IL12RB1: variants seen among roughly 807,000 people sequenced by gnomAD.
IL12RB1 encodes the protein interleukin-12 receptor subunit beta-1.
IL12RB1 carries 64 observed loss-of-function variants against 94.4 expected under a neutral mutation model. That is an observed-to-expected ratio of 0.68 (90% CI 0.55 to 0.83). The LOEUF is 0.83. Among genes scored for constraint, IL12RB1 ranks in the 40% least tolerant of loss-of-function variants. The pLI is 0.00. For synonymous variants in IL12RB1, 362 were observed against 355.5 expected, an observed-to-expected ratio of 1.02 and a Z score of -0.21; for missense variants, 814 against 855.6, an observed-to-expected ratio of 0.95 and a Z score of 0.61.
intron 1 of IL12RB1, among the ~76,000 whole-genome samples, chr19:18,093,342 A>ATATATATATT (rs770713233): frequency 7.9e-4 from 119 of 149,818 alleles, no homozygotes; most frequent in African/African-American, 2.2e-3. Flanking sequence ...ATATATATAT[A>ATATATATATT]TATATACTTG....
At chr19:18,063,004 CT>C (rs779329868) in intron 13 of IL12RB1, among the ~76,000 whole-genome samples, 41,210 of 149,432 alleles carry the variant, frequency 0.28, 7,318 homozygotes, top group Non-Finnish European at 0.39. Flanking sequence ...TCTCTTCCTC[CT>C]CCTCCTCCTC....
At chr19:18,064,121 A>G in intron 12 of IL12RB1, 111 bp from the exon 13 acceptor site, 4 of 613,568 alleles carry the variant, frequency 6.5e-6, no homozygotes, top group Middle Eastern at 4.4e-4. Flanking sequence ...TTTTGCTAAA[A>G]TCTCTACTCT....
At chr19:18,080,807 GA>G in intron 4 of IL12RB1, 24 bp downstream of exon 4, 1 of 1,549,780 alleles carries the variant, frequency 6.5e-7, no homozygotes, top group Non-Finnish European at 8.9e-7. Context: ...GTAAAAAACG[GA>G]CGGGGGGAGA....
chr19:18,098,445 C>A (rs2037206489), intron 1 of IL12RB1, among the ~76,000 whole-genome samples: 1 of 152,116 alleles, frequency 6.6e-6, no homozygotes, highest in South Asian at 2.1e-4. Context: ...GGGGAGGGCA[C>A]CCTTGCTTCT....
At chr19:18,085,017 T>G (rs2036231828) in intron 1 of IL12RB1, among the ~76,000 whole-genome samples, 1 of 152,162 alleles carries the variant, frequency 6.6e-6, no homozygotes, top group Non-Finnish European at 1.5e-5. Flanking sequence ...AGGGCAATTA[T>G]TAATAACATT....
At chr19:18,075,894 G>A in intron 6 of IL12RB1, 26 bp from the exon 7 acceptor site, 1 of 1,610,806 alleles carries the variant, frequency 6.2e-7, no homozygotes. Flanking sequence ...TCGAACATCA[G>A]GCCGTAAGAA....
chr19:18,073,288 G>A (rs779461211), intron 8 of IL12RB1, among the ~76,000 whole-genome samples: 27 of 152,024 alleles, frequency 1.8e-4, no homozygotes, highest in Admixed American at 3.3e-4. Flanking sequence ...TTCTCACACA[G>A]GAGCCAGGGA....
At chr19:18,082,316 C>A (rs766047454) in intron 2 of IL12RB1, 52 bp from the exon 3 acceptor site, 1 of 1,044,688 alleles carries the variant, frequency 9.6e-7, no homozygotes, top group South Asian at 1.3e-5. Flanking sequence ...GAGGGGTCTT[C>A]GTGCCTAAGA....
In IL12RB1 at chr19:18,071,193, T is replaced by G. The variant is rs189070506; in HGVS notation, c.1021+919A>C. Reference sequence around the variant, plus strand: ...TTCGAGACCAGCCTGGCCAACGTGGTGAAACCCCGTCTCTACTAAAAATAC... The same window carrying G: ...TTCGAGACCAGCCTGGCCAACGTGGGGAAACCCCGTCTCTACTAAAAATAC... On this transcript the variant is annotated intron_variant, in intron 9 of 16. Transcript: ENST00000593993. The G allele has an allele frequency of 6.1e-4, 214 of 349,654 alleles. 1 individual carries two copies. Among genetic ancestry groups the G allele is most frequent in the African/African-American group, 4.4e-3 (199 of 45,166 alleles). The allele number at this position is 349,654 out of a possible 1,614,324, so 21.7% of individuals were successfully genotyped here. A position where few individuals can be genotyped will look rare whatever the true frequency, so the allele number is the denominator to read the frequency against.
chr19:18,084,693 C>CATA (rs1568522957), intron 1 of IL12RB1, among the ~76,000 whole-genome samples: 3 of 53,368 alleles, frequency 5.6e-5, no homozygotes, highest in East Asian at 2.3e-3. Context: ...ATCCATCCAT[C>CATA]CATCCATACA....
intron 5 of IL12RB1, 59 bp downstream of exon 5, chr19:18,077,456 TG>T: frequency 7.6e-7 from 1 of 1,322,296 alleles, no homozygotes; most frequent in Non-Finnish European, 1.1e-6. Context: ...GAGACTGATT[TG>T]GGGGTGAAGG....
chr19:18,082,197 C>T lies in IL12RB1; in HGVS notation c.192G>A (p.Trp64Ter). 6.2e-7 allele frequency: 1 copy of T among 1,613,936 alleles called. No homozygotes were observed. The highest frequency in any genetic ancestry group is 8.5e-7 in the Non-Finnish European group (1 of 1,179,892). ...RISSDRYECS[W>*]QYEGPTAGVS... ...CCCCAGCTGTGGGACCCTCATACTG[C>T]CAGGAGCACTCGTAACGATCACTGG... Residue 64 changes from tryptophan to a stop codon, truncating the protein, a stop_gained, in exon 3 of 17, where the codon TGG (tryptophan) becomes TGA (stop). Coordinates refer to ENST00000593993, the MANE Select transcript of IL12RB1 (RefSeq NM_005535.3). LOFTEE classifies it high-confidence loss of function.
chr19:18,060,736 T>C (rs1437639834), intron 15 of IL12RB1, among the ~76,000 whole-genome samples: 1 of 152,030 alleles, frequency 6.6e-6, no homozygotes, highest in Admixed American at 6.6e-5. Flanking sequence ...GACCAATCAG[T>C]GATGGCCCTG....
Position 18,072,329 on chromosome 19 carries a change from T to C in IL12RB1, c.804A>G (p.Pro268=). The change falls in exon 9 of 17, where the codon CCA becomes CCG. Residue 268 remains proline, a synonymous_variant. Transcript: ENST00000593993. ...CAGGCGCCAGCCCTTGACAGCCTTC[T>C]GGAAGCTCCAGCTGGGTTGGCTGTC... is the stretch of plus-strand genomic sequence containing the variant. ...LKEQPTQLEL[P]EGCQGLAPGT... is the part of the protein sequence containing the mutation. The C allele has an allele frequency of 6.2e-7, 1 of 1,613,878 alleles. No homozygotes were observed. The highest frequency in any genetic ancestry group is 1.1e-5 in the South Asian group (1 of 91,046).
At chr19:18,081,762 G>A (rs1444449948) in intron 3 of IL12RB1, among the ~76,000 whole-genome samples, 1 of 152,024 alleles carries the variant, frequency 6.6e-6, no homozygotes, top group Non-Finnish European at 1.5e-5. Flanking sequence ...AGAGGTTGCA[G>A]TGAGCTGACA....
chr19:18,089,428 C>G (rs2036535466), upstream of IL12RB1, among the ~76,000 whole-genome samples: 3 of 151,994 alleles, frequency 2.0e-5, no homozygotes, highest in South Asian at 6.2e-4. Context: ...AGTTCGAGAC[C>G]AGCCTGGACA....
Position 18,072,333 on chromosome 19 carries a change from A to T in IL12RB1, c.800T>A (p.Leu267His). The T allele has an allele frequency of 3.7e-6, 6 of 1,613,750 alleles. No individual in the cohort carries two copies. The highest frequency in any genetic ancestry group is 5.1e-6 in the Non-Finnish European group (6 of 1,179,714). ...CGCCAGCCCTTGACAGCCTTCTGGA[A>T]GCTCCAGCTGGGTTGGCTGTCAGGA... The part of the protein sequence containing the change: ...TLKEQPTQLE[L>H]PEGCQGLAPG... The change falls in exon 9 of 17, where the codon CTT (leucine) becomes CAT (histidine). Residue 267 changes from leucine to histidine, a missense_variant. Transcript: ENST00000593993.
At chr19:18,088,242 C>T (rs187964029), upstream of IL12RB1, among the ~76,000 whole-genome samples, 772 of 151,834 alleles carry the variant, frequency 5.1e-3, 4 homozygotes, top group Middle Eastern at 0.014. Context: ...AAAAATTAAC[C>T]GGGTGTGGTG....
Position 18,059,479 on chromosome 19 carries a change from GGC to G in IL12RB1, c.*127_*128del. Reference sequence around the variant, plus strand: ...TTCCCCCGCAGGATGGGTGGCAACAGGCACGGGGCAGAGAGGAGGCAGGTGCA... The same window carrying G: ...TTCCCCCGCAGGATGGGTGGCAACAGACGGGGCAGAGAGGAGGCAGGTGCA... On this transcript the variant is annotated 3_prime_UTR_variant, in exon 17 of 17. Transcript: ENST00000593993. The G allele has an allele frequency of 1.4e-6, 1 of 718,706 alleles. No individual in the cohort carries two copies. The highest frequency in any genetic ancestry group is 2.6e-6 in the Non-Finnish European group (1 of 385,014). The allele number at this position is 718,706 out of a possible 1,614,324, so 44.5% of individuals were successfully genotyped here.
Sources: gnomAD v4.1 joint callset for allele counts (sites outside exome capture counted in the v4.1 genomes callset) on GRCh38, gnomAD v4.1.1 for gene constraint, MANE v1.5 for transcripts, NCBI Gene and HGNC (gene_info 2026-07-23, HGNC 2026-07-21) for gene names.